The following HTR3B variants were observed in gnomAD, a reference collection of about 807,000 sequenced individuals.
The protein encoded by HTR3B is 5-hydroxytryptamine receptor 3B.
Under a neutral mutation model 42.8 loss-of-function variants are expected in HTR3B, and 44 were observed. That is an observed-to-expected ratio of 1.03 (90% confidence interval 0.81 to 1.32). HTR3B has a LOEUF of 1.32. Among genes scored for constraint, HTR3B ranks in the 40% most tolerant of loss-of-function variants. The pLI, the probability that HTR3B is intolerant of heterozygous loss-of-function variation, is 0.00. For missense variants in HTR3B, 527 were observed against 536.5 expected (o/e 0.98, Z 0.17); for synonymous variants, 203 against 209.0 (o/e 0.97, Z 0.25).
intron 2 of HTR3B, among the ~76,000 whole-genome samples, chr11:113,922,169 C>G (rs1048886282): frequency 4.6e-5 from 7 of 152,136 alleles, no homozygotes; most frequent in Non-Finnish European, 7.4e-5. Context: ...AAGGTAAGAG[C>G]ACTTCCTTTA....
upstream of HTR3B, among the ~76,000 whole-genome samples, chr11:113,903,163 A>G (rs1422403337): frequency 6.6e-6 from 1 of 152,018 alleles, no homozygotes; most frequent in Non-Finnish European, 1.5e-5. Flanking sequence ...GAGCCATTGC[A>G]CCTGGCCCAC....
intron 2 of HTR3B, 59 bp from the exon 3 acceptor site, chr11:113,931,325 T>G: frequency 8.2e-7 from 1 of 1,220,250 alleles, no homozygotes; most frequent in Non-Finnish European, 1.2e-6. Context: ...TACTGCTGAA[T>G]TGGCCTTTGA....
At chr11:113,902,864 T>G (rs1429798807), upstream of HTR3B, among the ~76,000 whole-genome samples, 2 of 151,996 alleles carry the variant, frequency 1.3e-5, no homozygotes, top group East Asian at 3.9e-4. Flanking sequence ...TTGGCACTTT[T>G]GTGTGTGTGT....
At chr11:113,931,729 T>C in intron 3 of HTR3B, 29 bp from the exon 4 acceptor site, 2 of 1,293,426 alleles carry the variant, frequency 1.5e-6, no homozygotes, top group Non-Finnish European at 2.3e-6. Flanking sequence ...CCCATTTTGA[T>C]AAGTTTTCTT....
chr11:113,933,734 A>G (rs1225499946), intron 6 of HTR3B, among the ~76,000 whole-genome samples: 2 of 152,202 alleles, frequency 1.3e-5, no homozygotes, highest in Non-Finnish European at 2.9e-5. Context: ...GGTGGGGTAC[A>G]GGACAGTGAA....
intron 2 of HTR3B, among the ~76,000 whole-genome samples, chr11:113,925,507 T>G (rs1179657592): frequency 1.5e-5 from 2 of 134,874 alleles, no homozygotes; most frequent in Non-Finnish European, 3.1e-5. Flanking sequence ...CACTGCAACC[T>G]CCGCCTCCTG....
intron 2 of HTR3B, among the ~76,000 whole-genome samples, chr11:113,915,969 G>A (rs1949848531): frequency 6.6e-6 from 1 of 152,178 alleles, no homozygotes; most frequent in Non-Finnish European, 1.5e-5. Flanking sequence ...CTCCTGAGTG[G>A]CTGGGATTAC....
At chr11:113,921,150 T>A (rs1391971886) in intron 2 of HTR3B, among the ~76,000 whole-genome samples, 1 of 142,290 alleles carries the variant, frequency 7.0e-6, no homozygotes, top group African/African-American at 2.5e-5. Flanking sequence ...TATTTTTATT[T>A]TTTATTTTTT....
chr11:113,939,895 T>G (rs1325676732), intron 6 of HTR3B, among the ~76,000 whole-genome samples: 1 of 151,312 alleles, frequency 6.6e-6, no homozygotes, highest in Admixed American at 6.6e-5. Context: ...GGTGTTTTTT[T>G]TTTTTTTTTG....
chr11:113,945,920 A>T lies in HTR3B; in HGVS notation c.1109A>T (p.Glu370Val), dbSNP rs758585055. 1.2e-6 allele frequency: 2 copies of T among 1,613,854 alleles called. No homozygotes were observed. Among genetic ancestry groups the T allele is most frequent in the Non-Finnish European group, 1.7e-6 (2 of 1,179,864 alleles). The change falls in exon 9 of 9, where the codon GAG (glutamate) becomes GTG (valine). Residue 370 changes from glutamate (E) to valine (V), a missense_variant. Coordinates refer to ENST00000260191, the MANE Select transcript of HTR3B (RefSeq NM_006028.5). ...AVVTESSLYG[E>V]HLAQPGTLKE... ...CACACAGAGTCCTCGCTGTATGGAG[A>T]GCACCTGGCCCAGCCAGGAACCCTG...
intron 6 of HTR3B, among the ~76,000 whole-genome samples, chr11:113,935,995 A>G (rs933924602): frequency 6.6e-6 from 1 of 152,124 alleles, no homozygotes; most frequent in Admixed American, 6.6e-5. Context: ...ATCAGAGGAC[A>G]CCACGGATAC....
At chr11:113,932,199 C>T in intron 4 of HTR3B, 90 bp from the exon 5 acceptor site, 1 of 1,072,916 alleles carries the variant, frequency 9.3e-7, no homozygotes, top group East Asian at 2.4e-5. Flanking sequence ...GGTCCTGGAC[C>T]TCATGGTCAC....
At chr11:113,941,009 T>C (rs1292183657) in intron 6 of HTR3B, among the ~76,000 whole-genome samples, 1 of 152,206 alleles carries the variant, frequency 6.6e-6, no homozygotes, top group Non-Finnish European at 1.5e-5. Context: ...CTCAACTTAC[T>C]CACTTAAGGG....
At chr11:113,905,350 T>C (rs1392072251) in intron 1 of HTR3B, among the ~76,000 whole-genome samples, 1 of 152,196 alleles carries the variant, frequency 6.6e-6, no homozygotes, top group Non-Finnish European at 1.5e-5. Flanking sequence ...GGATAATATG[T>C]TTTTATTATC....
chr11:113,901,313 C>T (rs1357839460), upstream of HTR3B, among the ~76,000 whole-genome samples: 4 of 151,966 alleles, frequency 2.6e-5, no homozygotes, highest in Non-Finnish European at 5.9e-5. Flanking sequence ...TGTGGTGGCA[C>T]ACACATATAC....
chr11:113,912,664 A>G (rs1949808702), intron 2 of HTR3B, among the ~76,000 whole-genome samples: 1 of 152,244 alleles, frequency 6.6e-6, no homozygotes, highest in African/African-American at 2.4e-5. Flanking sequence ...TCCCACCAGT[A>G]AGCTATGAGA....
chr11:113,912,310 CT>C (rs1359850250), intron 2 of HTR3B, among the ~76,000 whole-genome samples: 2 of 152,088 alleles, frequency 1.3e-5, no homozygotes, highest in Admixed American at 1.3e-4. Context: ...GTGGCACGAT[CT>C]CGGCTCACTG....
In HTR3B at chr11:113,932,587, G is replaced by GT. The variant is rs1159477829; in HGVS notation, c.538+135dup. ...TTAAAAATTGGAATCTCTTCTTGCGGTTTTTTGGCTCCTGCTGTAATCCAG... is the reference window on the plus strand; with the variant it reads ...TTAAAAATTGGAATCTCTTCTTGCGGTTTTTTTGGCTCCTGCTGTAATCCAG... On this transcript the variant is annotated intron_variant, in intron 5 of 8. Transcript: ENST00000260191. 2.0e-5 allele frequency: 17 copies of GT among 831,928 alleles called. No homozygotes were observed. The African/African-American group carries it at 2.1e-4, about 10-fold the overall frequency. 51.5% of individuals were successfully genotyped at this position (831,928 alleles called of 1,614,324 possible). A position where few individuals can be genotyped will look rare whatever the true frequency, so the allele number is the denominator to read the frequency against.
rs370598275 is a variant in HTR3B, at chr11:113,945,744, G to A, written c.1091-158G>A. Among the ~76,000 whole-genome samples, 13 of 152,212 alleles carry A rather than the reference G, an allele frequency of 8.5e-5. No individual in the cohort carries two copies. In the South Asian group the frequency reaches 1.5e-3, roughly 17 times the overall value. ...GCTTCCTGCAGTACAACTTTGCCTC[G>A]CCTAATCGGGTGGGGAGAGTACCCA... On this transcript the variant is annotated intron_variant, in intron 8 of 8. Coordinates refer to ENST00000260191, the MANE Select transcript of HTR3B (RefSeq NM_006028.5).
Sources: gnomAD v4.1 joint callset for allele counts (sites outside exome capture counted in the v4.1 genomes callset) on GRCh38, gnomAD v4.1.1 for gene constraint, MANE v1.5 for transcripts, NCBI Gene and HGNC (gene_info 2026-07-23, HGNC 2026-07-21) for gene names.